NCAM2: variants seen among roughly 807,000 people sequenced by gnomAD.
NCAM2 encodes the protein N-CAM-2.
A neutral mutation model predicts 98.1 loss-of-function variants in NCAM2; 30 were observed. The ratio of observed to expected loss-of-function variants is 0.31; its 90% CI spans 0.23 to 0.41. The LOEUF (loss-of-function observed/expected upper bound fraction) is 0.41, where lower values mean the gene tolerates loss of function less well. Among genes scored for constraint, NCAM2 ranks in the 10% least tolerant of loss-of-function variants. NCAM2 has a pLI of 1.00. For missense variants in NCAM2, 867 were observed against 1,005.8 expected, an observed-to-expected ratio of 0.86 and a Z score of 1.87; for synonymous variants, 368 against 342.4, an observed-to-expected ratio of 1.07 and a Z score of -0.83.
chr21:21,484,968 T>C (rs985220826), intron 15 of NCAM2, among the ~76,000 whole-genome samples: 52 of 152,270 alleles, frequency 3.4e-4, no homozygotes, highest in African/African-American at 1.2e-3. Flanking sequence ...TTTTTAAAAA[T>C]CATAATTTTA....
chr21:21,118,932 A>C (rs960390842), intron 1 of NCAM2, among the ~76,000 whole-genome samples: 56 of 152,140 alleles, frequency 3.7e-4, no homozygotes, highest in African/African-American at 1.3e-3. Flanking sequence ...TCTTAATTTT[A>C]TGTTCATTTC....
At chr21:21,309,843 TC>T (rs5842916) in intron 5 of NCAM2, among the ~76,000 whole-genome samples, 1 of 151,828 alleles carries the variant, frequency 6.6e-6, no homozygotes, top group Non-Finnish European at 1.5e-5. Flanking sequence ...TCACCTCATT[TC>T]CCCCCATATT....
At position 21,382,829 on chromosome 21, in the gene NCAM2, C is replaced by G. The variant is rs561503427; in HGVS notation, c.1195+8816C>G. The stretch of plus-strand genomic sequence containing the variant: ...ACAGGCGGGAGCCACTGCGACTGGC[C>G]CAAATAGTATTTTTTTTTTTTAAGT... On this transcript the variant is annotated intron_variant, in intron 9 of 17. Coordinates refer to ENST00000400546, the MANE Select transcript of NCAM2 (RefSeq NM_004540.5). Among the ~76,000 whole-genome samples the G allele has an allele frequency of 5.5e-3, 830 of 151,908 alleles. 9 individuals are homozygous for G. The highest frequency in any genetic ancestry group is 0.019 in the African/African-American group (788 of 41,392).
chr21:21,161,087 C>T (rs2146778977), intron 1 of NCAM2, among the ~76,000 whole-genome samples: 1 of 151,940 alleles, frequency 6.6e-6, no homozygotes, highest in East Asian at 1.9e-4. Flanking sequence ...CACACCTCTG[C>T]TACAAAATGA....
intron 1 of NCAM2, among the ~76,000 whole-genome samples, chr21:21,216,875 G>A (rs1004755876): frequency 6.6e-6 from 1 of 152,134 alleles, no homozygotes; most frequent in Admixed American, 6.5e-5. Context: ...CAAATTAAAA[G>A]AAAAGAAAAT....
chr21:21,217,014 G>A (rs1023461609), intron 1 of NCAM2, among the ~76,000 whole-genome samples: 11 of 152,162 alleles, frequency 7.2e-5, no homozygotes, highest in Admixed American at 6.5e-4. Context: ...AAACAAAGCT[G>A]TTTTTTAAAC....
chr21:21,185,693 T>A (rs2068617938), intron 1 of NCAM2, among the ~76,000 whole-genome samples: 1 of 152,104 alleles, frequency 6.6e-6, no homozygotes. Context: ...GCAGCACTAT[T>A]AAAAATAGCC....
chr21:21,166,364 C>T (rs1440766539), intron 1 of NCAM2, among the ~76,000 whole-genome samples: 12 of 152,210 alleles, frequency 7.9e-5, no homozygotes, highest in East Asian at 1.9e-4. Flanking sequence ...CCCACCACCA[C>T]GCCCAGATAA....
chr21:21,173,238 A>G (rs2068179014), intron 1 of NCAM2, among the ~76,000 whole-genome samples: 1 of 152,186 alleles, frequency 6.6e-6, no homozygotes. Flanking sequence ...TTAGTCGCTA[A>G]TTCATTGGTG....
chr21:21,524,416 G>T (rs1989203942), intron 16 of NCAM2, among the ~76,000 whole-genome samples: 1 of 129,802 alleles, frequency 7.7e-6, no homozygotes, highest in African/African-American at 3.0e-5. Flanking sequence ...AACTCATTCA[G>T]CAAGCAGAAA....
intron 12 of NCAM2, among the ~76,000 whole-genome samples, chr21:21,451,347 T>C (rs892599127): frequency 1.3e-5 from 2 of 152,190 alleles, no homozygotes; most frequent in African/African-American, 4.8e-5. Flanking sequence ...TATTCTTTCT[T>C]TGGAATTTGT....
intron 1 of NCAM2, among the ~76,000 whole-genome samples, chr21:21,137,681 C>T (rs2067086953): frequency 1.3e-5 from 2 of 152,014 alleles, no homozygotes; most frequent in Non-Finnish European, 2.9e-5. Context: ...TCGCTTGAAC[C>T]GAGGAGGCAG....
At chr21:21,249,168 A>G (rs1311800147) in intron 1 of NCAM2, among the ~76,000 whole-genome samples, 1 of 152,222 alleles carries the variant, frequency 6.6e-6, no homozygotes, top group Non-Finnish European at 1.5e-5. Flanking sequence ...CCCAATATCC[A>G]TGATCCTTTC....
intron 1 of NCAM2, among the ~76,000 whole-genome samples, chr21:21,209,300 C>T (rs748192711): frequency 6.6e-6 from 1 of 152,146 alleles, no homozygotes; most frequent in Non-Finnish European, 1.5e-5. Context: ...ACCACAGCCT[C>T]GAACTTCTAG....
At chr21:21,216,640 T>C (rs2069912272) in intron 1 of NCAM2, among the ~76,000 whole-genome samples, 1 of 152,194 alleles carries the variant, frequency 6.6e-6, no homozygotes, top group Non-Finnish European at 1.5e-5. Flanking sequence ...GGCTGAACCA[T>C]GCATGCCCAG....
intron 1 of NCAM2, among the ~76,000 whole-genome samples, chr21:21,278,709 G>A (rs1251302079): frequency 2.0e-5 from 3 of 152,162 alleles, no homozygotes; most frequent in Non-Finnish European, 4.4e-5. Flanking sequence ...TTCTGGAAAG[G>A]AGGAAGGAAT....
At chr21:21,054,835 T>C (rs1204676228) in intron 1 of NCAM2, among the ~76,000 whole-genome samples, 2 of 152,078 alleles carry the variant, frequency 1.3e-5, no homozygotes, top group Admixed American at 1.3e-4. Flanking sequence ...CTGTTTTAGA[T>C]TCTTTTCTCT....
At chr21:21,014,013 T>C (rs1022453756) in intron 1 of NCAM2, among the ~76,000 whole-genome samples, 3 of 152,170 alleles carry the variant, frequency 2.0e-5, no homozygotes, top group Admixed American at 1.3e-4. Flanking sequence ...TCTAGAAGTT[T>C]CTTAGCTAGA....
intron 9 of NCAM2, among the ~76,000 whole-genome samples, chr21:21,405,163 GTTAT>G (rs1309612331): frequency 2.0e-5 from 3 of 151,538 alleles, no homozygotes; most frequent in Admixed American, 6.6e-5. Flanking sequence ...TAGTATTTTT[GTTAT>G]TTATTTATGG....
Sources: gnomAD v4.1 joint callset for allele counts (sites outside exome capture counted in the v4.1 genomes callset) on GRCh38, gnomAD v4.1.1 for gene constraint, MANE v1.5 for transcripts, NCBI Gene and HGNC (gene_info 2026-07-23, HGNC 2026-07-21) for gene names.